CCDC91: variants seen among roughly 807,000 people sequenced by gnomAD.
CCDC91 encodes the protein coiled-coil domain-containing protein 91.
In CCDC91, 48 loss-of-function variants were observed where a neutral mutation model predicts 63.2. That is an observed-to-expected ratio of 0.76 (90% CI 0.60 to 0.97). The LOEUF is 0.97. CCDC91 is among the 50% of genes least tolerant of loss of function. CCDC91 has a pLI of 0.00. For synonymous variants in CCDC91, 167 were observed against 165.8 expected, an observed-to-expected ratio of 1.01 and a Z score of -0.06; for missense variants, 500 against 494.6, an observed-to-expected ratio of 1.01 and a Z score of -0.10.
At chr12:28,299,042 T>C (rs1268213665) in intron 3 of CCDC91, among the ~76,000 whole-genome samples, 3 of 151,782 alleles carry the variant, frequency 2.0e-5, no homozygotes, top group East Asian at 1.9e-4. Context: ...CTTTCTGATA[T>C]ATATTTTTAG....
intron 12 of CCDC91, among the ~76,000 whole-genome samples, chr12:28,499,273 A>G (rs1452575988): frequency 6.6e-6 from 1 of 151,726 alleles, no homozygotes; most frequent in Non-Finnish European, 1.5e-5. Context: ...GTTAAGTAGT[A>G]TACATTTAAT....
chr12:28,197,513 A>G (rs1941871686), intron 1 of CCDC91, among the ~76,000 whole-genome samples: 1 of 151,932 alleles, frequency 6.6e-6, no homozygotes, highest in Non-Finnish European at 1.5e-5. Context: ...TGGTAGTAAC[A>G]TTTTTTTCCA....
At chr12:28,498,493 A>G (rs1015562015) in intron 12 of CCDC91, among the ~76,000 whole-genome samples, 1 of 151,650 alleles carries the variant, frequency 6.6e-6, no homozygotes, top group Admixed American at 6.6e-5. Flanking sequence ...AGAAGCAGGG[A>G]CGTACATTCC....
intron 11 of CCDC91, among the ~76,000 whole-genome samples, chr12:28,458,519 G>T (rs1467914048): frequency 1.7e-5 from 2 of 120,750 alleles, no homozygotes; most frequent in Non-Finnish European, 3.2e-5. Flanking sequence ...GCCCAGGCTG[G>T]ATTGCAGGGG....
intron 1 of CCDC91, among the ~76,000 whole-genome samples, chr12:28,248,049 G>A (rs1945872050): frequency 1.3e-5 from 2 of 152,160 alleles, no homozygotes; most frequent in African/African-American, 4.8e-5. Flanking sequence ...ACCCAGACCG[G>A]TTCGTGTCCG....
chr12:28,517,762 TG>T (rs1429720355), intron 12 of CCDC91, among the ~76,000 whole-genome samples: 1 of 151,844 alleles, frequency 6.6e-6, no homozygotes, highest in Non-Finnish European at 1.5e-5. Flanking sequence ...GCACCCAATT[TG>T]TAGTCTTTTA....
At chr12:28,386,629 A>C (rs1246586319) in intron 7 of CCDC91, among the ~76,000 whole-genome samples, 2 of 152,168 alleles carry the variant, frequency 1.3e-5, no homozygotes, top group African/African-American at 4.8e-5. Context: ...GGCCTCCCAA[A>C]GTACTGGGAT....
intron 7 of CCDC91, among the ~76,000 whole-genome samples, chr12:28,390,981 G>T (rs139149317): frequency 4.8e-5 from 6 of 126,228 alleles, no homozygotes; most frequent in Non-Finnish European, 9.7e-5. Context: ...TCTTCATCCT[G>T]TGTGGTCTTC....
intron 1 of CCDC91, among the ~76,000 whole-genome samples, chr12:28,253,384 T>C (rs987207899): frequency 3.3e-5 from 5 of 152,202 alleles, no homozygotes; most frequent in Non-Finnish European, 7.3e-5. Flanking sequence ...GTTGATATCT[T>C]CCTGCCTGGA....
Position 28,523,800 on chromosome 12 carries a change from T to C in CCDC91, c.1216-25263T>C, listed in dbSNP as rs189677958. Among the ~76,000 whole-genome samples the C allele has an allele frequency of 6.6e-5, 10 of 152,306 alleles. No homozygotes were observed. In the East Asian group the frequency reaches 1.5e-3, roughly 24 times the overall value. On this transcript the variant is annotated intron_variant, in intron 12 of 12. Transcript: ENST00000536442. Reference sequence around the variant, plus strand: ...GACAAAATCTCTCAGCATTTGCTTGTCTGTAAAGGATTTTATTTCTCCTTC... The same window carrying C: ...GACAAAATCTCTCAGCATTTGCTTGCCTGTAAAGGATTTTATTTCTCCTTC...
intron 3 of CCDC91, among the ~76,000 whole-genome samples, chr12:28,267,834 A>G (rs184854908): frequency 0.055 from 1,519 of 27,462 alleles, 323 homozygotes; most frequent in Middle Eastern, 0.077. Flanking sequence ...TTAATATATA[A>G]TTATATATAA....
At chr12:28,367,973 T>C (rs971978330) in intron 7 of CCDC91, among the ~76,000 whole-genome samples, 1 of 152,244 alleles carries the variant, frequency 6.6e-6, no homozygotes, top group African/African-American at 2.4e-5. Context: ...CATTAGTTCC[T>C]TTCTGGGTCT....
At chr12:28,281,747 A>C (rs2136590773) in intron 3 of CCDC91, among the ~76,000 whole-genome samples, 1 of 152,280 alleles carries the variant, frequency 6.6e-6, no homozygotes, top group South Asian at 2.1e-4. Context: ...AGCTGACATA[A>C]TTAAAAGGGA....
intron 8 of CCDC91, among the ~76,000 whole-genome samples, chr12:28,442,858 GT>G (rs1161069146): frequency 3.3e-5 from 5 of 151,808 alleles, no homozygotes; most frequent in Admixed American, 6.5e-5. Context: ...TTGTTTGTTT[GT>G]TTTCATGAAT....
chr12:28,369,399 C>A (rs1265976868), intron 7 of CCDC91, among the ~76,000 whole-genome samples: 1 of 152,212 alleles, frequency 6.6e-6, no homozygotes, highest in African/African-American at 2.4e-5. Context: ...CCAGGACATT[C>A]TGATACAAGA....
chr12:28,467,041 A>G (rs893548504), intron 11 of CCDC91, among the ~76,000 whole-genome samples: 2 of 152,088 alleles, frequency 1.3e-5, no homozygotes, highest in Non-Finnish European at 2.9e-5. Context: ...GCTTAAAATA[A>G]CGGGTACTAA....
At chr12:28,535,043 C>G (rs1233578785) in intron 12 of CCDC91, among the ~76,000 whole-genome samples, 1 of 152,268 alleles carries the variant, frequency 6.6e-6, no homozygotes, top group African/African-American at 2.4e-5. Flanking sequence ...ACTCATACAG[C>G]TTTTGACTTC....
intron 12 of CCDC91, among the ~76,000 whole-genome samples, chr12:28,512,872 A>G (rs1427439575): frequency 1.3e-5 from 2 of 151,946 alleles, no homozygotes; most frequent in Non-Finnish European, 2.9e-5. Flanking sequence ...TCTCATTTAT[A>G]GAGAACTGAT....
intron 11 of CCDC91, among the ~76,000 whole-genome samples, chr12:28,459,756 G>A (rs544576437): frequency 3.3e-5 from 5 of 152,194 alleles, no homozygotes; most frequent in African/African-American, 1.2e-4. Context: ...GAATTTTTAG[G>A]TCATAGTAAA....
Sources: allele counts gnomAD v4.1 joint callset (sites outside exome capture counted in the v4.1 genomes callset), GRCh38; gene constraint gnomAD v4.1.1; transcripts MANE v1.5; gene names NCBI Gene and HGNC (gene_info 2026-07-23, HGNC 2026-07-21).